The following SCAI variants were observed in gnomAD, a reference collection of about 807,000 sequenced individuals.
The protein encoded by SCAI is protein SCAI.
In SCAI, 24 loss-of-function variants were observed where a neutral mutation model predicts 92.2. The ratio of observed to expected loss-of-function variants is 0.26; its 90% CI spans 0.19 to 0.37. The LOEUF is 0.37. Ranked by LOEUF, SCAI falls within the 10% of genes least tolerant of loss-of-function variation. The pLI is 1.00. For synonymous variants in SCAI, 261 were observed against 258.6 expected (o/e 1.01, Z -0.09); for missense variants, 450 against 736.2 (o/e 0.61, Z 4.50).
intron 2 of SCAI, among the ~76,000 whole-genome samples, chr9:125,092,913 T>A (rs114954600): frequency 0.041 from 6,289 of 152,302 alleles, 421 homozygotes; most frequent in African/African-American, 0.14. Flanking sequence ...TTTGTTCCCA[T>A]CATTCCACTG....
chr9:125,117,858 GCAAAA>G (rs2131243873), intron 2 of SCAI, among the ~76,000 whole-genome samples: 2 of 152,076 alleles, frequency 1.3e-5, no homozygotes, highest in East Asian at 3.9e-4. Context: ...ATTTTACAGA[GCAAAA>G]CAAAACTGTT....
chr9:125,081,264 C>G (rs1343478972), intron 2 of SCAI, among the ~76,000 whole-genome samples: 2 of 152,148 alleles, frequency 1.3e-5, no homozygotes, highest in African/African-American at 4.8e-5. Context: ...CAGAAGAAGA[C>G]AGGAAAATGT....
At chr9:125,053,680 T>G (rs1236959718) in intron 3 of SCAI, among the ~76,000 whole-genome samples, 1 of 152,210 alleles carries the variant, frequency 6.6e-6, no homozygotes, top group African/African-American at 2.4e-5. Flanking sequence ...GTAGAATCAC[T>G]GCTAATAGGA....
intron 9 of SCAI, among the ~76,000 whole-genome samples, chr9:125,016,394 T>TAAATAAAA (rs1832761176): frequency 6.8e-6 from 1 of 146,094 alleles, no homozygotes; most frequent in Non-Finnish European, 1.5e-5. Context: ...TCTCAATAAA[T>TAAATAAAA]AAATAAATAA....
intron 2 of SCAI, among the ~76,000 whole-genome samples, chr9:125,094,361 T>C (rs2131201733): frequency 6.6e-6 from 1 of 152,372 alleles, no homozygotes. Context: ...GCCACAGGGT[T>C]GTCTTGGAAT....
chr9:125,030,998 G>A (rs960128161), intron 3 of SCAI, among the ~76,000 whole-genome samples: 1 of 152,148 alleles, frequency 6.6e-6, no homozygotes, highest in African/African-American at 2.4e-5. Flanking sequence ...CCTCATCTTC[G>A]AGGGCAAAAC....
At chr9:125,111,356 T>G (rs1220901998) in intron 2 of SCAI, among the ~76,000 whole-genome samples, 5 of 152,198 alleles carry the variant, frequency 3.3e-5, no homozygotes, top group African/African-American at 1.2e-4. Flanking sequence ...CCTCAAAGAC[T>G]TCTACTTCTA....
At chr9:125,143,348 CCCAT>C in intron 1 of SCAI, 33 bp downstream of exon 1, 2 of 1,272,084 alleles carry the variant, frequency 1.6e-6, no homozygotes, top group Non-Finnish European at 2.0e-6. Flanking sequence ...TGGCCCCCAC[CCCAT>C]CCCCAACCCC....
At chr9:125,011,376 C>A (rs868668297) in intron 9 of SCAI, among the ~76,000 whole-genome samples, 6 of 152,118 alleles carry the variant, frequency 3.9e-5, no homozygotes, top group Admixed American at 1.3e-4. Context: ...TCAAGAACTA[C>A]GTGAAGAATG....
At chr9:124,958,996 G>A (rs913810390) in intron 17 of SCAI, among the ~76,000 whole-genome samples, 3 of 151,140 alleles carry the variant, frequency 2.0e-5, no homozygotes, top group Non-Finnish European at 4.4e-5. Context: ...ACAAATCAGA[G>A]AAGAAAAAAC....
In SCAI at chr9:124,998,313, C is replaced by T. The variant is rs570951370; in HGVS notation, c.1244+1578G>A. 2.0e-4 allele frequency among the ~76,000 whole-genome samples: 30 copies of T among 152,050 alleles called. No homozygotes were observed. In the South Asian group the frequency reaches 5.2e-3, roughly 26 times the overall value. ...ATGAAAAATAAAAAAATTAGCCAGGCGTGGTGGTGGCCACCTGTAATCCCA... is the reference window on the plus strand; with the variant it reads ...ATGAAAAATAAAAAAATTAGCCAGGTGTGGTGGTGGCCACCTGTAATCCCA... On this transcript the variant is annotated intron_variant, in intron 13 of 17. Coordinates refer to ENST00000336505, the MANE Select transcript of SCAI (RefSeq NM_001144877.3).
At chr9:124,967,024 A>AT in intron 17 of SCAI, among the ~76,000 whole-genome samples, 1 of 152,182 alleles carries the variant, frequency 6.6e-6, no homozygotes, top group Non-Finnish European at 1.5e-5. Flanking sequence ...TTCTTTAAGT[A>AT]AGAAAATAAT....
intron 2 of SCAI, among the ~76,000 whole-genome samples, chr9:125,130,785 G>A (rs895598872): frequency 2.0e-5 from 3 of 151,382 alleles, no homozygotes; most frequent in African/African-American, 7.3e-5. Flanking sequence ...GCCCGGCCAA[G>A]ACTGGAAAAC....
intron 2 of SCAI, among the ~76,000 whole-genome samples, chr9:125,083,641 A>T (rs768240961): frequency 6.6e-6 from 1 of 152,058 alleles, no homozygotes; most frequent in Non-Finnish European, 1.5e-5. Context: ...TAAATTGCCC[A>T]GTCTCAGGTA....
chr9:124,974,479 A>G (rs2131592233), intron 15 of SCAI, among the ~76,000 whole-genome samples: 1 of 152,066 alleles, frequency 6.6e-6, no homozygotes, highest in African/African-American at 2.4e-5. Flanking sequence ...GAATAAATGA[A>G]GTAACTCTTG....
chr9:124,942,781 T>C lies in SCAI; in HGVS notation c.*10026A>G, dbSNP rs1238830354. On this transcript the variant is annotated 3_prime_UTR_variant, in exon 18 of 18. Transcript: ENST00000336505. ...CACTGACAACAAAAATCAAATATTCTCTAATCTCGTTATTCAATAAACATC... is the reference window on the plus strand; with the variant it reads ...CACTGACAACAAAAATCAAATATTCCCTAATCTCGTTATTCAATAAACATC... 1 of 152,200 alleles carries C rather than the reference T, an allele frequency of 6.6e-6. No homozygotes were observed. Among genetic ancestry groups the C allele is most frequent in the Non-Finnish European group, 1.5e-5 (1 of 68,038 alleles). 9.4% of individuals were successfully genotyped at this position (152,200 alleles called of 1,614,324 possible). A position where few individuals can be genotyped will look rare whatever the true frequency, so the allele number is the denominator to read the frequency against.
intron 3 of SCAI, among the ~76,000 whole-genome samples, chr9:125,044,709 C>T (rs565504466): frequency 2.0e-5 from 3 of 152,172 alleles, no homozygotes; most frequent in East Asian, 1.9e-4. Flanking sequence ...TTGCTCGCCA[C>T]GTTGTAGGCA....
chr9:124,964,257 C>G (rs1831497839), intron 17 of SCAI, among the ~76,000 whole-genome samples: 1 of 152,190 alleles, frequency 6.6e-6, no homozygotes, highest in Non-Finnish European at 1.5e-5. Context: ...GTCCACCCCA[C>G]GTCATCTTCT....
intron 2 of SCAI, among the ~76,000 whole-genome samples, chr9:125,064,770 C>T (rs996147757): frequency 6.6e-6 from 1 of 152,094 alleles, no homozygotes; most frequent in East Asian, 1.9e-4. Context: ...CACTTGAACC[C>T]AGGAGGCGGA....
Sources: allele counts gnomAD v4.1 joint callset (sites outside exome capture counted in the v4.1 genomes callset), GRCh38; gene constraint gnomAD v4.1.1; transcripts MANE v1.5; gene names NCBI Gene and HGNC (gene_info 2026-07-23, HGNC 2026-07-21).